Variants in GNB5 observed in about 807,000 individuals in gnomAD.
GNB5 encodes the protein guanine nucleotide-binding protein subunit beta-5.
A neutral mutation model predicts 55.3 loss-of-function variants in GNB5; 37 were observed. That is an observed-to-expected ratio of 0.67 (90% CI 0.51 to 0.88). The LOEUF (loss-of-function observed/expected upper bound fraction) is 0.88, where lower values mean the gene tolerates loss of function less well. GNB5 is among the 40% of genes least tolerant of loss of function. GNB5 has a pLI of 0.00. For synonymous variants in GNB5, 219 were observed against 198.5 expected (o/e 1.10, Z -0.87); for missense variants, 476 against 515.3 (o/e 0.92, Z 0.74).
At chr15:52,147,171 T>C (rs12438274) in intron 6 of GNB5, 1 of 213,330 alleles carries the variant, frequency 4.7e-6, no homozygotes, top group African/African-American at 2.5e-5. Context: ...GTTTTGTTTT[T>C]TTTTTTTTTT....
At chr15:52,149,488 A>G (rs1192720480) in intron 5 of GNB5, 1 of 466,352 alleles carries the variant, frequency 2.1e-6, no homozygotes, top group Non-Finnish European at 3.8e-6. Flanking sequence ...CCCACCCTCC[A>G]CGTGTTCATT....
chr15:52,183,333 T>TGG (rs5812587), intron 2 of GNB5, among the ~76,000 whole-genome samples: 56,759 of 144,844 alleles, frequency 0.39, 12,473 homozygotes, highest in Middle Eastern at 0.54. Context: ...TAATAAATAA[T>TGG]GGGGGGGGGG....
intron 3 of GNB5, among the ~76,000 whole-genome samples, chr15:52,164,414 C>T (rs1488911993): frequency 1.3e-5 from 2 of 150,770 alleles, no homozygotes; most frequent in East Asian, 3.9e-4. Context: ...GTCAGGAGAT[C>T]GAGACATTCT....
At chr15:52,154,951 G>A (rs1217122319) in intron 3 of GNB5, among the ~76,000 whole-genome samples, 1 of 152,188 alleles carries the variant, frequency 6.6e-6, no homozygotes, top group East Asian at 1.9e-4. Flanking sequence ...TTGCAGAGAA[G>A]CTGAGACTGA....
At chr15:52,190,817 A>C (rs1192458860) in intron 1 of GNB5, among the ~76,000 whole-genome samples, 4 of 104,340 alleles carry the variant, frequency 3.8e-5, no homozygotes, top group African/African-American at 3.5e-5. Context: ...AAAAAAAAAA[A>C]ACATAAATGT....
Position 52,115,392 on chromosome 15 carries a change from G to A in GNB5, c.*7365C>T, listed in dbSNP as rs1294992616. 1 of 152,208 alleles carries A rather than the reference G, an allele frequency of 6.6e-6. No homozygotes were observed. The highest frequency in any genetic ancestry group is 2.4e-5 in the African/African-American group (1 of 41,446). 9.4% of individuals were successfully genotyped at this position (152,208 alleles called of 1,614,324 possible). A position where few individuals can be genotyped will look rare whatever the true frequency, so the allele number is the denominator to read the frequency against. ...TTGGAAGCTGTGCAGCTATGGGCAA[G>A]TTATTCAACTCTCCTAACCTCAATC... On this transcript the variant is annotated 3_prime_UTR_variant, in exon 13 of 13. Coordinates refer to ENST00000261837, the MANE Select transcript of GNB5 (RefSeq NM_016194.4).
At chr15:52,152,437 C>T (rs2034117884) in intron 4 of GNB5, among the ~76,000 whole-genome samples, 1 of 151,836 alleles carries the variant, frequency 6.6e-6, no homozygotes, top group Non-Finnish European at 1.5e-5. Flanking sequence ...GATTCTCCTG[C>T]CTCAGCCTTC....
chr15:52,137,471 A>C, intron 7 of GNB5: 1 of 1,017,170 alleles, frequency 9.8e-7, no homozygotes, highest in Admixed American at 5.1e-5. Flanking sequence ...GTCTGAAGCC[A>C]AGAGAGCACT....
intron 8 of GNB5, 97 bp from the exon 9 acceptor site, chr15:52,133,566 A>T: frequency 1.3e-6 from 1 of 783,530 alleles, no homozygotes; most frequent in South Asian, 1.5e-5. Flanking sequence ...TTTATTTCCC[A>T]TTAGCAAATG....
In GNB5 at chr15:52,185,558, TG is replaced by T. The variant is rs1255134208; in HGVS notation, c.-18-865del. Among the ~76,000 whole-genome samples the T allele has an allele frequency of 4.6e-5, 7 of 152,046 alleles. No homozygotes were observed. In the East Asian group the frequency reaches 1.4e-3, roughly 29 times the overall value. On this transcript the variant is annotated intron_variant, in intron 1 of 12. Transcript: ENST00000261837. The stretch of plus-strand genomic sequence containing the variant: ...GACATGGGTAGGGGCAGGGTGAGGC[TG>T]GGGATGCCAAAGAAAGCATAAGAGG...
chr15:52,131,523 G>C (rs8029915), intron 9 of GNB5, among the ~76,000 whole-genome samples: 2,443 of 152,254 alleles, frequency 0.016, 71 homozygotes, highest in African/African-American at 0.056. Context: ...ACCAAGGAAT[G>C]ACTGTACTTT....
chr15:52,141,534 C>T (rs2033854484), intron 6 of GNB5, among the ~76,000 whole-genome samples: 1 of 151,484 alleles, frequency 6.6e-6, no homozygotes, highest in African/African-American at 2.4e-5. Context: ...CTCCTTTGGC[C>T]TCCCAAAGTG....
intron 3 of GNB5, among the ~76,000 whole-genome samples, chr15:52,157,211 C>T (rs1158313962): frequency 6.6e-6 from 1 of 150,678 alleles, no homozygotes; most frequent in Non-Finnish European, 1.5e-5. Flanking sequence ...GCTGGGATTA[C>T]AGGCGTGAGC....
chr15:52,158,199 G>T (rs976441214), intron 3 of GNB5, among the ~76,000 whole-genome samples: 4 of 152,068 alleles, frequency 2.6e-5, no homozygotes, highest in Non-Finnish European at 5.9e-5. Flanking sequence ...GGATTTGGGG[G>T]CTTGGGTCAA....
chr15:52,133,475 A>G lies in GNB5; in HGVS notation c.772-6T>C, dbSNP rs2033629597. On this transcript the variant is annotated splice_region_variant and splice_polypyrimidine_tract_variant and intron_variant, in intron 8 of 12. Coordinates refer to ENST00000261837, the MANE Select transcript of GNB5 (RefSeq NM_016194.4). ...ATGGCTTTCTTGTCACATCCCTACA[A>G]ATGAAAATTAGCCAGAGTTATGGCC... 1 of 1,599,208 alleles carries G rather than the reference A, an allele frequency of 6.3e-7. No individual in the cohort carries two copies. The highest frequency in any genetic ancestry group is 8.6e-7 in the Non-Finnish European group (1 of 1,166,348).
At chr15:52,126,767 G>C (rs1177312147) in intron 10 of GNB5, among the ~76,000 whole-genome samples, 1 of 152,074 alleles carries the variant, frequency 6.6e-6, no homozygotes, top group African/African-American at 2.4e-5. Flanking sequence ...TCAGGAAATA[G>C]CATGACCAGA....
chr15:52,167,190 C>T (rs1050185100), intron 3 of GNB5, among the ~76,000 whole-genome samples: 1 of 152,072 alleles, frequency 6.6e-6, no homozygotes, highest in Non-Finnish European at 1.5e-5. Flanking sequence ...AATAAATAGC[C>T]TACCAACAAA....
chr15:52,154,556 C>G (rs1213287361), intron 3 of GNB5, among the ~76,000 whole-genome samples: 2 of 152,142 alleles, frequency 1.3e-5, no homozygotes, highest in Non-Finnish European at 2.9e-5. Context: ...TTCTAGTTCT[C>G]CTGCCTACCA....
At position 52,121,039 on chromosome 15, in the gene GNB5, G is replaced by A. The variant is rs553538709; in HGVS notation, c.*1718C>T. On this transcript the variant is annotated 3_prime_UTR_variant, in exon 13 of 13. Transcript: ENST00000261837. ...CGATACCTGAACAAGCAGTTGTGAG[G>A]GTGGGCCTGGCACACCCCTGGATGT... 2.0e-5 allele frequency: 3 copies of A among 152,374 alleles called. No homozygotes were observed. The highest frequency in any genetic ancestry group is 7.2e-5 in the African/African-American group (3 of 41,586). 9.4% of individuals were successfully genotyped at this position (152,374 alleles called of 1,614,324 possible).
Sources: allele counts gnomAD v4.1 joint callset (sites outside exome capture counted in the v4.1 genomes callset), GRCh38; gene constraint gnomAD v4.1.1; transcripts MANE v1.5; gene names NCBI Gene and HGNC (gene_info 2026-07-23, HGNC 2026-07-21).